The following IGSF22 variants were observed in gnomAD, a reference collection of about 807,000 sequenced individuals.
IGSF22 encodes immunoglobulin superfamily, member 22.
Under a neutral mutation model 127.0 loss-of-function variants are expected in IGSF22, and 119 were observed. The ratio of observed to expected loss-of-function variants is 0.94; its 90% CI spans 0.81 to 1.09. The LOEUF (loss-of-function observed/expected upper bound fraction) is 1.09. Among genes scored for constraint, IGSF22 ranks in the 50% least tolerant of loss-of-function variants. The pLI is 0.00. For missense variants in IGSF22, 1,518 were observed against 1,716.6 expected (o/e 0.88, Z 2.04); for synonymous variants, 568 against 664.7 (o/e 0.85, Z 2.24).
At chr11:18,710,630 T>A (rs773948009) in intron 16 of IGSF22, 25 bp downstream of exon 16, 2 of 1,604,452 alleles carry the variant, frequency 1.2e-6, no homozygotes, top group South Asian at 2.2e-5. Context: ...TGGTCACTCC[T>A]GGGCCTCTGT....
At chr11:18,708,900 T>C (rs918894058) in intron 18 of IGSF22, among the ~76,000 whole-genome samples, 11 of 152,182 alleles carry the variant, frequency 7.2e-5, no homozygotes, top group Non-Finnish European at 1.5e-4. Flanking sequence ...GAGCCTAAGA[T>C]TGGTGGTTGA....
Position 18,705,375 on chromosome 11 carries a change from G to A in IGSF22, c.3910+442C>T, listed in dbSNP as rs190821400. ...ATGTACAAAAGGGAGGGTTCCCTTC[G>A]CTCCTTCCCTTGTTTGTGCCCCCCA... On this transcript the variant is annotated intron_variant, in intron 22 of 22. Transcript: ENST00000513874. 7.0e-4 allele frequency: 120 copies of A among 172,312 alleles called. 1 individual carries two copies. The East Asian group carries it at 0.015, about 21-fold the overall frequency. The allele number at this position is 172,312 out of a possible 1,614,324, so 10.7% of individuals were successfully genotyped here. A position where few individuals can be genotyped will look rare whatever the true frequency, so the allele number is the denominator to read the frequency against.
In IGSF22 at chr11:18,715,553, G is replaced by T. The variant is rs774161304; in HGVS notation, c.1410C>A (p.Gly470=). ...HGTKYSMNHE[G]KRAELIIEDA... The stretch of plus-strand genomic sequence containing the variant: ...CCTCAATGATCAGCTCTGCTCGCTT[G>T]CCCTCATGGTTCATGCTGTACTTAG... Residue 470 remains glycine, a synonymous_variant, in exon 11 of 23, where the codon GGC becomes GGA. Transcript: ENST00000513874. 6.2e-7 allele frequency: 1 copy of T among 1,614,024 alleles called. No individual in the cohort carries two copies. The highest frequency in any genetic ancestry group is 8.5e-7 in the Non-Finnish European group (1 of 1,179,992).
In IGSF22 at chr11:18,709,351, T is replaced by C; in HGVS notation, c.2998+36A>G. 2 of 1,592,564 alleles carry C rather than the reference T, an allele frequency of 1.3e-6. No homozygotes were observed. The highest frequency in any genetic ancestry group is 2.2e-5 in the East Asian group (1 of 44,720). On this transcript the variant is annotated intron_variant, in intron 18 of 22. Coordinates refer to ENST00000513874, the MANE Select transcript of IGSF22 (RefSeq NM_173588.4). This position sits in a 1 kb window ranked among gnomAD's most constrained non-coding sequence, Gnocchi z 4.8. ...GAGGAGAAGGTTTGGAGGTACAATG[T>C]TGGGCATGAATCCCCAGCCCTCTCT... is the stretch of plus-strand genomic sequence containing the variant.
chr11:18,722,930 T>G (rs1193350196), intron 2 of IGSF22, among the ~76,000 whole-genome samples: 1 of 152,246 alleles, frequency 6.6e-6, no homozygotes, highest in Non-Finnish European at 1.5e-5. Flanking sequence ...GTCTTTTATG[T>G]GACCTCCACA....
At chr11:18,706,667 C>A in intron 21 of IGSF22, 1 of 460,794 alleles carries the variant, frequency 2.2e-6, no homozygotes, top group Non-Finnish European at 3.8e-6. Context: ...CGCTCTATGT[C>A]CCTCCGCAGC....
rs558072843 is a variant in IGSF22, at chr11:18,704,610, T to C, written c.3911-72A>G. On this transcript the variant is annotated intron_variant, in intron 22 of 22. Coordinates refer to ENST00000513874, the MANE Select transcript of IGSF22 (RefSeq NM_173588.4). ...CAGGGAAATTCCAAACTGCTGGACT[T>C]CCTATGCAGGAAACCAGGAGCTGGA... The C allele has an allele frequency of 8.2e-6, 8 of 978,006 alleles. No individual in the cohort carries two copies. The African/African-American group carries it at 1.1e-4, about 14-fold the overall frequency. 60.6% of individuals were successfully genotyped at this position (978,006 alleles called of 1,614,324 possible).
At chr11:18,717,826 G>T in intron 9 of IGSF22, 105 bp downstream of exon 9, 1 of 1,285,738 alleles carries the variant, frequency 7.8e-7, no homozygotes, top group Non-Finnish European at 1.1e-6. Flanking sequence ...TTCTTGCACA[G>T]TCCCATAGTC....
Position 18,725,364 on chromosome 11 carries a change from T to C in IGSF22, c.-34+710A>G, listed in dbSNP as rs139952355. On this transcript the variant is annotated intron_variant, in intron 1 of 22. Coordinates refer to ENST00000513874, the MANE Select transcript of IGSF22 (RefSeq NM_173588.4). Reference sequence around the variant, plus strand: ...GCTGGTCTCAAACTCCTAGCCTCGATTGATCCGCCTGCCTTGGCCTCCCAA... The same window carrying C: ...GCTGGTCTCAAACTCCTAGCCTCGACTGATCCGCCTGCCTTGGCCTCCCAA... Among the ~76,000 whole-genome samples the C allele has an allele frequency of 2.3e-3, 343 of 152,254 alleles. 1 individual carries two copies. The highest frequency in any genetic ancestry group is 2.4e-3 in the Non-Finnish European group (166 of 68,002).
In IGSF22 at chr11:18,707,083, T is replaced by C. The variant is rs1848252463; in HGVS notation, c.3411A>G (p.Ala1137=). Residue 1137 remains alanine, a synonymous_variant, in exon 21 of 23, where the codon GCA becomes GCG. Transcript: ENST00000513874. ...CTGCCGTGTACCAGGTGGCTGTGCT[T>C]GCATCCCGCTTCATGATGATGTAGT... The part of the protein sequence containing the change: ...EAHYIIMKRD[A]STATWYTAAE... 7.1e-6 allele frequency: 11 copies of C among 1,551,574 alleles called. No homozygotes were observed. Among genetic ancestry groups the C allele is most frequent in the African/African-American group, 1.4e-5 (1 of 73,048 alleles).
Position 18,710,606 on chromosome 11 carries a change from A to T in IGSF22, c.2572+49T>A, listed in dbSNP as rs768535626. 4 of 1,590,502 alleles carry T rather than the reference A, an allele frequency of 2.5e-6. No individual in the cohort carries two copies. In the African/African-American group the frequency reaches 5.4e-5, roughly 21 times the overall value. On this transcript the variant is annotated intron_variant, in intron 16 of 22. Coordinates refer to ENST00000513874, the MANE Select transcript of IGSF22 (RefSeq NM_173588.4). ...GTGTCAGTAGTTAATGGGTCCACTCAGCAAGACCTCCTTTGGTCACTCCTG... is the reference window on the plus strand; with the variant it reads ...GTGTCAGTAGTTAATGGGTCCACTCTGCAAGACCTCCTTTGGTCACTCCTG...
In IGSF22 at chr11:18,721,517, T is replaced by G. The variant is rs537675080; in HGVS notation, c.378+18A>C. ...CTCTGGCCTTCTCGGTAACTGGACTTGGGCTTGGCCCCCGCACCTTCAGCA... is the reference window on the plus strand; with the variant it reads ...CTCTGGCCTTCTCGGTAACTGGACTGGGGCTTGGCCCCCGCACCTTCAGCA... On this transcript the variant is annotated intron_variant, in intron 4 of 22. Coordinates refer to ENST00000513874, the MANE Select transcript of IGSF22 (RefSeq NM_173588.4). 3.1e-6 allele frequency: 5 copies of G among 1,614,142 alleles called. No homozygotes were observed. The East Asian group carries it at 8.9e-5, about 29-fold the overall frequency.
intron 21 of IGSF22, chr11:18,706,424 C>T: frequency 2.0e-6 from 1 of 510,860 alleles, no homozygotes; most frequent in South Asian, 2.8e-5. Flanking sequence ...CCAGCGCCAG[C>T]TTCCTGGACC....
At position 18,716,659 on chromosome 11, in the gene IGSF22, T is replaced by A. The variant is rs1357660781; in HGVS notation, c.1246+69A>T. 1.1e-5 allele frequency: 17 copies of A among 1,490,778 alleles called. No homozygotes were observed. The highest frequency in any genetic ancestry group is 1.6e-5 in the Non-Finnish European group (17 of 1,080,436). 92.3% of individuals were successfully genotyped at this position (1,490,778 alleles called of 1,614,324 possible). A position where few individuals can be genotyped will look rare whatever the true frequency, so the allele number is the denominator to read the frequency against. On this transcript the variant is annotated intron_variant, in intron 10 of 22. Transcript: ENST00000513874. The surrounding 1 kb of genome is among the most constrained non-coding windows in gnomAD (Gnocchi z 4.5). Reference sequence around the variant, plus strand: ...ATGGATGGATAGATGGATATATAAATGATGACTACCTGCATGGAGGTTGCT... The same window carrying A: ...ATGGATGGATAGATGGATATATAAAAGATGACTACCTGCATGGAGGTTGCT...
At position 18,715,508 on chromosome 11, in the gene IGSF22, A is replaced by G. The variant is rs201352873; in HGVS notation, c.1455T>C (p.Gly485=). The change falls in exon 11 of 23, where the codon GGT becomes GGC. Residue 485 remains glycine, a synonymous_variant. Transcript: ENST00000513874. ...LIIEDAQLSD[G]GEYTVVAMQD... is the part of the protein sequence containing the mutation. ...GCATGGCCACCACAGTGTACTCGCCACCATCACTGAGCTGTGCATCCTCAA... is the reference window on the plus strand; with the variant it reads ...GCATGGCCACCACAGTGTACTCGCCGCCATCACTGAGCTGTGCATCCTCAA... The G allele has an allele frequency of 8.8e-4, 1,423 of 1,613,960 alleles. No homozygotes were observed. The highest frequency in any genetic ancestry group is 1.1e-3 in the Non-Finnish European group (1,282 of 1,179,958).
In IGSF22 at chr11:18,707,851, T is replaced by G. The variant is rs1310119360; in HGVS notation, c.3233A>C (p.Gln1078Pro). 1 of 1,613,302 alleles carries G rather than the reference T, an allele frequency of 6.2e-7. No homozygotes were observed. The highest frequency in any genetic ancestry group is 1.7e-5 in the Admixed American group (1 of 59,806). Residue 1078 changes from glutamine to proline, a missense_variant, in exon 20 of 23, where the codon CAG becomes CCG. By Grantham distance (76) the Gln-to-Pro change is moderately conservative (BLOSUM62 -1). This residue lies in a region of IGSF22 where 1,456 missense variants were observed against 1,644.9 expected (regional missense o/e 0.89). Coordinates refer to ENST00000513874, the MANE Select transcript of IGSF22 (RefSeq NM_173588.4). Reference sequence around the variant, plus strand: ...ATAGCGTGCTTCTCCAAACTCATTCTGAAGCAAGATTCGGTACACCCCTGA... The same window carrying G: ...ATAGCGTGCTTCTCCAAACTCATTCGGAAGCAAGATTCGGTACACCCCTGA... The part of the protein sequence containing the change: ...SDSGVYRILL[Q>P]NEFGEARYDI...
chr11:18,723,099 G>C (rs1269999202), intron 2 of IGSF22, among the ~76,000 whole-genome samples: 1 of 152,226 alleles, frequency 6.6e-6, no homozygotes, highest in Non-Finnish European at 1.5e-5. Context: ...ACAGTCTCTA[G>C]TTTACCCCAG....
intron 2 of IGSF22, 122 bp from the exon 3 acceptor site, chr11:18,722,163 A>T: frequency 8.8e-7 from 1 of 1,138,068 alleles, no homozygotes; most frequent in Non-Finnish European, 1.3e-6. Flanking sequence ...GGGAAGTGGG[A>T]GCAGGACCAG....
rs571896543 is a variant in IGSF22 at position 18,713,155 on chromosome 11, T to C, written c.2095+697A>G. The stretch of plus-strand genomic sequence containing the variant: ...ACCTCTTTTTTGTTGTTGTTTCTTT[T>C]TTTTTTTTTTTTTTGGTGACAGAGT... On this transcript the variant is annotated intron_variant, in intron 14 of 22. Transcript: ENST00000513874. Among the ~76,000 whole-genome samples, 94 of 147,492 alleles carry C rather than the reference T, an allele frequency of 6.4e-4. 2 individuals are homozygous for C. The South Asian group carries it at 6.6e-3, about 10-fold the overall frequency.
Sources: gnomAD v4.1 joint callset for allele counts (sites outside exome capture counted in the v4.1 genomes callset) on GRCh38, gnomAD v4.1.1 for gene constraint, gnomAD v4.1.1 regional missense constraint, Gnocchi (gnomAD v3.1) non-coding constraint, MANE v1.5 for transcripts, NCBI Gene and HGNC (gene_info 2026-07-23, HGNC 2026-07-21) for gene names.